Variants in GPC1 observed in about 807,000 individuals in gnomAD.
The protein encoded by GPC1 is glypican-1.
A neutral mutation model predicts 51.5 loss-of-function variants in GPC1; 26 were observed. That is an observed-to-expected ratio of 0.50 (90% CI 0.37 to 0.70). GPC1 has a LOEUF of 0.70. Among genes scored for constraint, GPC1 ranks in the 30% least tolerant of loss-of-function variants. The pLI is 0.00. For missense variants in GPC1, 775 were observed against 800.5 expected, an observed-to-expected ratio of 0.97 and a Z score of 0.38; for synonymous variants, 380 against 348.3, an observed-to-expected ratio of 1.09 and a Z score of -1.01.
In GPC1 at chr2:240,435,830, T is replaced by A; in HGVS notation, c.-89T>A. The A allele has an allele frequency of 1.2e-6, 1 of 856,502 alleles. No individual in the cohort carries two copies. The highest frequency in any genetic ancestry group is 1.8e-5 in the African/African-American group (1 of 56,322). The allele number at this position is 856,502 out of a possible 1,614,324, so 53.1% of individuals were successfully genotyped here. On this transcript the variant is annotated 5_prime_UTR_variant, in exon 1 of 9. Coordinates refer to ENST00000264039, the MANE Select transcript of GPC1 (RefSeq NM_002081.3). Reference sequence around the variant, plus strand: ...GAGCCGCGCGCGCCGGGACCTTGGCTCTGCCCTTCGCGGGCGGGAACTGCG... The same window carrying A: ...GAGCCGCGCGCGCCGGGACCTTGGCACTGCCCTTCGCGGGCGGGAACTGCG...
chr2:240,455,429 G>A (rs1380944099), intron 1 of GPC1, among the ~76,000 whole-genome samples: 1 of 152,224 alleles, frequency 6.6e-6, no homozygotes, highest in Non-Finnish European at 1.5e-5. Flanking sequence ...AGGGCCAGAG[G>A]GAGGGGTGGG....
chr2:240,456,445 C>G (rs1021979377), intron 1 of GPC1, among the ~76,000 whole-genome samples: 2 of 152,170 alleles, frequency 1.3e-5, no homozygotes, highest in Non-Finnish European at 2.9e-5. Context: ...GACCAGCTCA[C>G]TCGGTTCCTG....
At chr2:240,457,425 C>T (rs1453955377) in intron 1 of GPC1, 5 of 470,464 alleles carry the variant, frequency 1.1e-5, no homozygotes, top group Admixed American at 2.3e-5. Flanking sequence ...TTAGAGGGTG[C>T]GGAAGATCAG....
At position 240,466,047 on chromosome 2, in the gene GPC1, C is replaced by G; in HGVS notation, c.1445-11C>G. On this transcript the variant is annotated splice_polypyrimidine_tract_variant and intron_variant, in intron 8 of 8. Coordinates refer to ENST00000264039, the MANE Select transcript of GPC1 (RefSeq NM_002081.3). ...GGGGACCTGCCTGCCGGAGCCTCCT[C>G]TCCTTCCCAGGTGACGACGGCAGCG... 1 of 1,588,190 alleles carries G rather than the reference C, an allele frequency of 6.3e-7. No individual in the cohort carries two copies. The highest frequency in any genetic ancestry group is 8.6e-7 in the Non-Finnish European group (1 of 1,158,910).
chr2:240,459,763 C>G (rs532505967), intron 2 of GPC1, among the ~76,000 whole-genome samples: 2 of 152,194 alleles, frequency 1.3e-5, no homozygotes, highest in Non-Finnish European at 2.9e-5. Context: ...ATTAGAGCCA[C>G]GTACTCCTCG....
chr2:240,456,557 TC>T, intron 1 of GPC1: 1 of 465,802 alleles, frequency 2.1e-6, no homozygotes, highest in Non-Finnish European at 4.5e-6. Context: ...TGCCACCCCC[TC>T]CCCCAGGCAC....
At chr2:240,449,657 C>T in intron 1 of GPC1, 1 of 338,248 alleles carries the variant, frequency 3.0e-6, no homozygotes, top group South Asian at 2.3e-5. Context: ...AGCTCCAGGA[C>T]CCTTTTCATC....
Position 240,435,841 on chromosome 2 carries a change from C to G in GPC1, c.-78C>G. 1 of 959,074 alleles carries G rather than the reference C, an allele frequency of 1.0e-6. No homozygotes were observed. The highest frequency in any genetic ancestry group is 1.3e-6 in the Non-Finnish European group (1 of 747,190). The allele number at this position is 959,074 out of a possible 1,614,324, so 59.4% of individuals were successfully genotyped here. On this transcript the variant is annotated 5_prime_UTR_variant, in exon 1 of 9. Coordinates refer to ENST00000264039, the MANE Select transcript of GPC1 (RefSeq NM_002081.3). ...GCCGGGACCTTGGCTCTGCCCTTCG[C>G]GGGCGGGAACTGCGCAGGACCCGGC...
intron 1 of GPC1, among the ~76,000 whole-genome samples, chr2:240,438,422 C>A (rs546343091): frequency 1.3e-5 from 2 of 152,198 alleles, no homozygotes; most frequent in Non-Finnish European, 2.9e-5. Flanking sequence ...TGGGCCTGGG[C>A]TCCGTGGAAC....
chr2:240,460,772 G>A (rs907944132), intron 2 of GPC1, among the ~76,000 whole-genome samples: 5 of 152,156 alleles, frequency 3.3e-5, no homozygotes, highest in South Asian at 2.1e-4. Flanking sequence ...GCCCACCTGT[G>A]CCCCTACCCC....
At chr2:240,458,214 C>G (rs532566018) in intron 1 of GPC1, 2 of 396,228 alleles carry the variant, frequency 5.0e-6, no homozygotes. Context: ...TTCCTGATGC[C>G]ACACACCCAT....
At chr2:240,456,592 A>G (rs1211242627) in intron 1 of GPC1, 1 of 470,364 alleles carries the variant, frequency 2.1e-6, no homozygotes, top group East Asian at 7.0e-5. Flanking sequence ...TGCCCAGCCC[A>G]TTACCATCAT....
intron 1 of GPC1, 69 bp from the exon 2 acceptor site, chr2:240,458,961 C>A: frequency 6.8e-7 from 1 of 1,468,992 alleles, no homozygotes; most frequent in Admixed American, 1.7e-5. Context: ...CCCAGGAGAG[C>A]CTGAGGGTGC....
At chr2:240,462,044 C>T (rs1574777213) in intron 2 of GPC1, 147 bp from the exon 3 acceptor site, 2 of 793,734 alleles carry the variant, frequency 2.5e-6, no homozygotes, top group African/African-American at 1.7e-5. Flanking sequence ...GCCCACAGGG[C>T]CCACAGCCGC....
chr2:240,463,580 G>A, intron 4 of GPC1, 68 bp downstream of exon 4: 1 of 1,416,046 alleles, frequency 7.1e-7, no homozygotes, highest in African/African-American at 1.4e-5. Context: ...GTCCTGGGGG[G>A]CGGGTGGTCC....
intron 4 of GPC1, chr2:240,464,131 G>A (rs1252382133): frequency 2.3e-5 from 5 of 217,166 alleles, no homozygotes; most frequent in Non-Finnish European, 9.4e-6. Context: ...AACGTGATGG[G>A]AGCTGACAAA....
At chr2:240,445,363 G>A (rs952971615) in intron 1 of GPC1, among the ~76,000 whole-genome samples, 1 of 152,200 alleles carries the variant, frequency 6.6e-6, no homozygotes, top group African/African-American at 2.4e-5. Context: ...ATTGAGGAGT[G>A]GGGGTGCTCT....
chr2:240,466,394 A>C lies in GPC1; in HGVS notation c.*104A>C. The C allele has an allele frequency of 4.3e-6, 3 of 695,440 alleles. No homozygotes were observed. Among genetic ancestry groups the C allele is most frequent in the Non-Finnish European group, 7.4e-6 (3 of 404,466 alleles). 43.1% of individuals were successfully genotyped at this position (695,440 alleles called of 1,614,324 possible). On this transcript the variant is annotated 3_prime_UTR_variant, in exon 9 of 9. Coordinates refer to ENST00000264039, the MANE Select transcript of GPC1 (RefSeq NM_002081.3). ...AGCCTGGAGAGGCCTGGGGTGGGAC[A>C]GGGAGGGCCGGCGGCTCTGAGCAGG...
At chr2:240,451,139 G>A (rs1040879799) in intron 1 of GPC1, 5 of 471,146 alleles carry the variant, frequency 1.1e-5, no homozygotes, top group Non-Finnish European at 2.2e-5. Flanking sequence ...CTTCCCCAGT[G>A]TTTATGAGCC....
Sources: gnomAD v4.1 joint callset for allele counts (sites outside exome capture counted in the v4.1 genomes callset) on GRCh38, gnomAD v4.1.1 for gene constraint, MANE v1.5 for transcripts, NCBI Gene and HGNC (gene_info 2026-07-23, HGNC 2026-07-21) for gene names.